SP6: variants seen among roughly 807,000 people sequenced by gnomAD.
SP6 encodes the protein Sp6 transcription factor.
A neutral mutation model predicts 23.4 loss-of-function variants in SP6; 10 were observed. The observed-to-expected ratio is 0.43, with a 90% CI of 0.26 to 0.72. SP6 has a LOEUF of 0.72. Ranked by LOEUF, SP6 falls within the 30% of genes least tolerant of loss-of-function variation. SP6 has a pLI of 0.23. For missense variants in SP6, 482 were observed against 523.8 expected, an observed-to-expected ratio of 0.92 and a Z score of 0.78; for synonymous variants, 238 against 238.7, an observed-to-expected ratio of 1.00 and a Z score of 0.03.
In SP6 at chr17:47,847,454, T is replaced by C. The variant is rs773198850; in HGVS notation, c.976A>G (p.Ser326Gly). The change falls in exon 2 of 2, where the codon AGC becomes GGC. Residue 326 changes from serine (S) to glycine (G), a missense_variant. Ser to Gly is a moderately conservative substitution (Grantham distance 56). Around this residue, in one of 3 missense-constraint regions of SP6, gnomAD observed 101 missense variants for 99.3 expected, o/e 1.02. Coordinates refer to ENST00000536300, the MANE Select transcript of SP6 (RefSeq NM_001258248.2). Reference sequence around the variant, plus strand: ...TTCATGTGCTTGGCCAGGTGGTCGCTGCGCATGAAGACGCGGCTGCAGACT... The same window carrying C: ...TTCATGTGCTTGGCCAGGTGGTCGCCGCGCATGAAGACGCGGCTGCAGACT... ...CAVCSRVFMR[S>G]DHLAKHMKTH... is the part of the protein sequence containing the mutation. 1 of 1,613,712 alleles carries C rather than the reference T, an allele frequency of 6.2e-7. No individual in the cohort carries two copies. The highest frequency in any genetic ancestry group is 8.5e-7 in the Non-Finnish European group (1 of 1,179,908).
the SP6 span, chr17:47,864,398 G>A: frequency 6.6e-6 from 1 of 151,988 alleles, no homozygotes; most frequent in East Asian, 1.9e-4. Context: ...CCAAGTAGCT[G>A]GGACTACAGG....
At chr17:47,872,103 G>A in the SP6 span, among the ~76,000 whole-genome samples, 2 of 152,118 alleles carry the variant, frequency 1.3e-5, no homozygotes, top group Admixed American at 1.3e-4. Flanking sequence ...GAAAAAAAGA[G>A]AAGCTATCAT....
upstream of SP6, among the ~76,000 whole-genome samples, chr17:47,857,217 G>T (rs1167540787): frequency 6.6e-6 from 1 of 152,070 alleles, no homozygotes; most frequent in East Asian, 1.9e-4. Context: ...TCCAGGGAGG[G>T]GCTTCCCTGT....
chr17:47,869,306 TC>T, the SP6 span, among the ~76,000 whole-genome samples: 2 of 152,226 alleles, frequency 1.3e-5, no homozygotes, highest in Non-Finnish European at 2.9e-5. Flanking sequence ...GTTGGGGACT[TC>T]CTCTGGAATC....
the SP6 span, among the ~76,000 whole-genome samples, chr17:47,874,257 T>A: frequency 8.6e-5 from 13 of 152,032 alleles, no homozygotes; most frequent in African/African-American, 3.1e-4. Context: ...TGGCTAATTT[T>A]AAAAATTTTT....
chr17:47,848,001 G>C lies in SP6; in HGVS notation c.429C>G (p.Gly143=), dbSNP rs1310560548. 6.2e-7 allele frequency: 1 copy of C among 1,603,138 alleles called. No homozygotes were observed. Among genetic ancestry groups the C allele is most frequent in the African/African-American group, 1.3e-5 (1 of 74,872 alleles). ...AGCCCGCCTGAAGCGCCCCCGGGTGGCCAGGTGAGGTCAGCGCGCCCTGAG... is the reference window on the plus strand; with the variant it reads ...AGCCCGCCTGAAGCGCCCCCGGGTGCCCAGGTGAGGTCAGCGCGCCCTGAG... ...PHTQGALTSP[G]HPGALQAGLG... Residue 143 remains glycine, a synonymous_variant, in exon 2 of 2, where the codon GGC becomes GGG. Transcript: ENST00000536300. This position sits in a 1 kb window ranked among gnomAD's most constrained non-coding sequence, Gnocchi z 5.3.
At chr17:47,865,835 A>G in the SP6 span, among the ~76,000 whole-genome samples, 1 of 151,904 alleles carries the variant, frequency 6.6e-6, no homozygotes, top group Non-Finnish European at 1.5e-5. Context: ...CCCCAAACAT[A>G]CCATTTCACC....
the SP6 span, among the ~76,000 whole-genome samples, chr17:47,867,810 C>G: frequency 1.3e-5 from 2 of 152,094 alleles, no homozygotes; most frequent in Non-Finnish European, 2.9e-5. Flanking sequence ...AGGTGAGGAG[C>G]CTGGGAAGGA....
rs2033878509 is a variant in SP6 at position 47,845,768 on chromosome 17, A to G, written c.*1531T>C. ...ACCCTTTGCTTATAACTTAAAAATC[A>G]ATACACAGCTAATCTCTGCAGAGGG... On this transcript the variant is annotated 3_prime_UTR_variant, in exon 2 of 2. Transcript: ENST00000536300. The G allele has an allele frequency of 6.6e-6, 1 of 152,430 alleles. No homozygotes were observed. The highest frequency in any genetic ancestry group is 1.5e-5 in the Non-Finnish European group (1 of 68,046). 9.4% of individuals were successfully genotyped at this position (152,430 alleles called of 1,614,324 possible). A position where few individuals can be genotyped will look rare whatever the true frequency, so the allele number is the denominator to read the frequency against.
At chr17:47,849,786 C>T (rs1327472792) in intron 1 of SP6, among the ~76,000 whole-genome samples, 3 of 152,236 alleles carry the variant, frequency 2.0e-5, no homozygotes, top group Non-Finnish European at 4.4e-5. Flanking sequence ...GCTTGAAGTT[C>T]ACTCTTTTCT....
upstream of SP6, among the ~76,000 whole-genome samples, chr17:47,858,684 C>T (rs114448051): frequency 2.9e-3 from 436 of 150,698 alleles, 5 homozygotes; most frequent in African/African-American, 1.0e-2. Flanking sequence ...CTACTTGTCT[C>T]GATTAATTTT....
At chr17:47,866,995 T>C in the SP6 span, among the ~76,000 whole-genome samples, 1 of 152,028 alleles carries the variant, frequency 6.6e-6, no homozygotes, top group African/African-American at 2.4e-5. Flanking sequence ...GCTGGGAATC[T>C]GAGAATCTGT....
At chr17:47,869,468 G>T in the SP6 span, among the ~76,000 whole-genome samples, 851 of 152,282 alleles carry the variant, frequency 5.6e-3, 2 homozygotes, top group South Asian at 9.1e-3. Flanking sequence ...TGAAAAGGGG[G>T]CTGACAGGGA....
chr17:47,848,594 G>A lies in SP6; in HGVS notation c.-57-108C>T, dbSNP rs2033923192. The stretch of plus-strand genomic sequence containing the variant: ...AGGTGTAAAAGAAGGATGCACCTCT[G>A]AACGAGGACTAGAGATGAGTTTAGA... On this transcript the variant is annotated intron_variant, in intron 1 of 1. Transcript: ENST00000536300. This position sits in a 1 kb window ranked among gnomAD's most constrained non-coding sequence, Gnocchi z 5.3. The A allele has an allele frequency of 1.6e-6, 1 of 625,838 alleles. No homozygotes were observed. Among genetic ancestry groups the A allele is most frequent in the Non-Finnish European group, 2.8e-6 (1 of 361,988 alleles). 38.8% of individuals were successfully genotyped at this position (625,838 alleles called of 1,614,324 possible). A position where few individuals can be genotyped will look rare whatever the true frequency, so the allele number is the denominator to read the frequency against.
chr17:47,852,749 C>A (rs1598062515), upstream of SP6, among the ~76,000 whole-genome samples: 2 of 152,210 alleles, frequency 1.3e-5, no homozygotes, highest in Admixed American at 1.3e-4. Context: ...ACGTTCTTAT[C>A]CAGAATCGAC....
At chr17:47,867,096 G>A in the SP6 span, among the ~76,000 whole-genome samples, 14 of 152,128 alleles carry the variant, frequency 9.2e-5, no homozygotes, top group African/African-American at 3.1e-4. Flanking sequence ...GACGTACTTC[G>A]GCGGCTGATG....
At chr17:47,865,890 A>G in the SP6 span, among the ~76,000 whole-genome samples, 88 of 152,220 alleles carry the variant, frequency 5.8e-4, no homozygotes, top group African/African-American at 1.9e-3. Flanking sequence ...ACCTCCCTTC[A>G]GACCCACAAG....
chr17:47,863,702 G>A, the SP6 span, among the ~76,000 whole-genome samples: 1 of 150,686 alleles, frequency 6.6e-6, no homozygotes, highest in Non-Finnish European at 1.5e-5. Flanking sequence ...CCAAGTAGCT[G>A]GGATTACAGG....
chr17:47,847,409 C>G lies in SP6; in HGVS notation c.1021G>C (p.Glu341Gln), dbSNP rs372044512. 1.9e-6 allele frequency: 3 copies of G among 1,613,398 alleles called. No individual in the cohort carries two copies. In the African/African-American group the frequency reaches 4.0e-5, roughly 22 times the overall value. Residue 341 changes from glutamate to glutamine, a missense_variant, in exon 2 of 2, where the codon GAG (glutamate) becomes CAG (glutamine). Physicochemically the swap from Glu to Gln is conservative, Grantham distance 29. Transcript: ENST00000536300. ...KHMKTHEGAK[E>Q]EAAGAASGEG... ...CCCGAGGCCGCCCCAGCCGCCTCCT[C>G]CTTGGCGCCCTCGTGGGTTTTCATG...
Sources: gnomAD v4.1 joint callset for allele counts (sites outside exome capture counted in the v4.1 genomes callset) on GRCh38, gnomAD v4.1.1 for gene constraint, gnomAD v4.1.1 regional missense constraint, Gnocchi (gnomAD v3.1) non-coding constraint, MANE v1.5 for transcripts, NCBI Gene and HGNC (gene_info 2026-07-23, HGNC 2026-07-21) for gene names.